The following PPP2R2C variants were observed in gnomAD, a reference collection of about 807,000 sequenced individuals.
The protein encoded by PPP2R2C is protein phosphatase 2, regulatory subunit B, gamma.
Under a neutral mutation model 45.3 loss-of-function variants are expected in PPP2R2C, and 10 were observed. That is an observed-to-expected ratio of 0.22 (90% CI 0.14 to 0.37). PPP2R2C has a LOEUF of 0.37. Ranked by LOEUF, PPP2R2C falls within the 10% of genes least tolerant of loss-of-function variation. The pLI is 1.00. For synonymous variants in PPP2R2C, 257 were observed against 245.4 expected, an observed-to-expected ratio of 1.05 and a Z score of -0.44; for missense variants, 308 against 619.7, an observed-to-expected ratio of 0.50 and a Z score of 5.34.
chr4:6,335,932 T>C (rs1207745438), intron 6 of PPP2R2C, among the ~76,000 whole-genome samples: 1 of 152,084 alleles, frequency 6.6e-6, no homozygotes, highest in Non-Finnish European at 1.5e-5. Flanking sequence ...TCTATATCCC[T>C]GTCCTTAGCC....
intron 1 of PPP2R2C, among the ~76,000 whole-genome samples, chr4:6,553,131 G>T (rs1054411647): frequency 5.3e-5 from 8 of 152,232 alleles, no homozygotes; most frequent in African/African-American, 1.9e-4. Context: ...CCATGAGACA[G>T]GATCCACTGG....
intron 7 of PPP2R2C, 117 bp downstream of exon 7, chr4:6,333,445 C>A (rs1253561903): frequency 5.8e-6 from 7 of 1,214,978 alleles, no homozygotes; most frequent in Non-Finnish European, 8.0e-6. Flanking sequence ...GCCTCCGTGT[C>A]TTCACCTACA....
chr4:6,490,465 A>T (rs1722665034), intron 2 of PPP2R2C, among the ~76,000 whole-genome samples: 1 of 152,226 alleles, frequency 6.6e-6, no homozygotes, highest in Non-Finnish European at 1.5e-5. Flanking sequence ...ATTGCTCACA[A>T]ATTAAATATC....
intron 1 of PPP2R2C, among the ~76,000 whole-genome samples, chr4:6,405,896 C>T (rs1717767372): frequency 6.6e-6 from 1 of 152,172 alleles, no homozygotes; most frequent in African/African-American, 2.4e-5. Flanking sequence ...ATCTTGGTGA[C>T]TTATGGATTT....
chr4:6,472,245 G>C lies in PPP2R2C; in HGVS notation c.-16C>G. ...CCTCGCCCATTGAAGGCCGTGCCCGGTGCTCTGGGCATGCCCCGCCGCCAC... is the reference window on the plus strand; with the variant it reads ...CCTCGCCCATTGAAGGCCGTGCCCGCTGCTCTGGGCATGCCCCGCCGCCAC... On this transcript the variant is annotated 5_prime_UTR_variant, in exon 1 of 9. Transcript: ENST00000382599. The C allele has an allele frequency of 1.2e-6, 2 of 1,612,248 alleles. No homozygotes were observed. The highest frequency in any genetic ancestry group is 1.7e-6 in the Non-Finnish European group (2 of 1,178,934).
In PPP2R2C at chr4:6,368,986, G is replaced by C. The variant is rs1442370046; in HGVS notation, c.625+3537C>G. Among the ~76,000 whole-genome samples the C allele has an allele frequency of 1.3e-5, 2 of 152,106 alleles. No homozygotes were observed. The highest frequency in any genetic ancestry group is 2.9e-5 in the Non-Finnish European group (2 of 67,986). On this transcript the variant is annotated intron_variant, in intron 5 of 8. Coordinates refer to ENST00000382599, the MANE Select transcript of PPP2R2C (RefSeq NM_020416.4). This position sits in a 1 kb window ranked among gnomAD's most constrained non-coding sequence, Gnocchi z 4.2. ...TAATATAGATGCAGACGGGGAGACA[G>C]GATTCAATCCTTCTGATGAATGAAG...
chr4:6,465,604 C>G (rs934083576), intron 1 of PPP2R2C, among the ~76,000 whole-genome samples: 3 of 151,972 alleles, frequency 2.0e-5, no homozygotes, highest in Non-Finnish European at 4.4e-5. Context: ...CTTTTCATGC[C>G]TTCCATATTT....
intron 1 of PPP2R2C, chr4:6,382,013 C>T (rs1715835415): frequency 1.4e-6 from 2 of 1,412,412 alleles, no homozygotes; most frequent in Non-Finnish European, 1.8e-6. Flanking sequence ...GGAAGAGAAA[C>T]CCCCACTGGA....
At chr4:6,554,245 A>C (rs931190380) in intron 1 of PPP2R2C, among the ~76,000 whole-genome samples, 6 of 152,178 alleles carry the variant, frequency 3.9e-5, no homozygotes, top group African/African-American at 1.4e-4. Flanking sequence ...TCAAAGAGGA[A>C]ATTTGGACAC....
intron 1 of PPP2R2C, among the ~76,000 whole-genome samples, chr4:6,415,329 T>C (rs1217504622): frequency 1.3e-5 from 2 of 152,162 alleles, no homozygotes; most frequent in African/African-American, 4.8e-5. Flanking sequence ...TTGGCAGACA[T>C]TTAGCCTCTT....
intron 1 of PPP2R2C, among the ~76,000 whole-genome samples, chr4:6,416,263 C>A (rs756560354): frequency 1.3e-5 from 2 of 152,320 alleles, no homozygotes; most frequent in East Asian, 3.9e-4. Context: ...ACCGCCCCCA[C>A]GATGTGTGGT....
At chr4:6,359,315 G>A (rs1481788003) in intron 5 of PPP2R2C, among the ~76,000 whole-genome samples, 1 of 152,146 alleles carries the variant, frequency 6.6e-6, no homozygotes, top group Non-Finnish European at 1.5e-5. Context: ...CGGACACAGG[G>A]CGGGGAACAT....
At chr4:6,348,604 C>A (rs893735444) in intron 5 of PPP2R2C, 1 of 979,784 alleles carries the variant, frequency 1.0e-6, no homozygotes, top group South Asian at 4.7e-5. Context: ...GTCGGCCCCA[C>A]CTCGGCTCTG....
chr4:6,339,705 T>G (rs1733296991), intron 6 of PPP2R2C, among the ~76,000 whole-genome samples: 1 of 149,726 alleles, frequency 6.7e-6, no homozygotes, highest in Non-Finnish European at 1.5e-5. Flanking sequence ...GACCTGCAGG[T>G]GGGTGGAGGT....
At chr4:6,482,387 C>T (rs1722384247) in intron 2 of PPP2R2C, among the ~76,000 whole-genome samples, 1 of 152,212 alleles carries the variant, frequency 6.6e-6, no homozygotes. Context: ...TGAAGCCAGA[C>T]AATCTGGATT....
chr4:6,452,111 C>T (rs1720768408), intron 1 of PPP2R2C, among the ~76,000 whole-genome samples: 1 of 152,120 alleles, frequency 6.6e-6, no homozygotes, highest in Admixed American at 6.5e-5. Context: ...GAGGACAGGG[C>T]TGGGAGTGGG....
chr4:6,360,018 C>T (rs565184121), intron 5 of PPP2R2C, among the ~76,000 whole-genome samples: 2 of 152,192 alleles, frequency 1.3e-5, no homozygotes, highest in South Asian at 2.1e-4. Context: ...GGAGATCCCA[C>T]GACAAGCTAA....
intron 4 of PPP2R2C, among the ~76,000 whole-genome samples, chr4:6,375,021 A>C (rs6857676): frequency 0.048 from 7,313 of 152,156 alleles, 168 homozygotes; most frequent in Non-Finnish European, 0.053. Flanking sequence ...CATAAACAGG[A>C]TTTTTATGAA....
chr4:6,357,993 A>C (rs1408305186), intron 5 of PPP2R2C, among the ~76,000 whole-genome samples: 1 of 152,112 alleles, frequency 6.6e-6, no homozygotes, highest in African/African-American at 2.4e-5. Context: ...CTACTTTAAA[A>C]TTCATATGGA....
Sources: allele counts gnomAD v4.1 joint callset (sites outside exome capture counted in the v4.1 genomes callset), GRCh38; gene constraint gnomAD v4.1.1; non-coding constraint Gnocchi (gnomAD v3.1); transcripts MANE v1.5; gene names NCBI Gene and HGNC (gene_info 2026-07-23, HGNC 2026-07-21).